MAF: variants seen among roughly 807,000 people sequenced by gnomAD.
MAF encodes MAF bZIP transcription factor, also known as transcription factor Maf.
In MAF, 10 loss-of-function variants were observed where a neutral mutation model predicts 22.0. The ratio of observed to expected loss-of-function variants is 0.45; its 90% CI spans 0.28 to 0.77. MAF has a LOEUF of 0.77. Ranked by LOEUF, MAF falls within the 30% of genes least tolerant of loss-of-function variation. The probability of loss-of-function intolerance (pLI) is 0.12; values close to 1 mark genes in which losing one functional copy is unlikely to be tolerated. For missense variants in MAF, 544 were observed against 548.4 expected (o/e 0.99, Z 0.08); for synonymous variants, 337 against 255.8 (o/e 1.32, Z -3.03).
At chr16:79,552,692 T>A in the MAF span, among the ~76,000 whole-genome samples, 4 of 152,224 alleles carry the variant, frequency 2.6e-5, no homozygotes, top group Admixed American at 2.6e-4. Flanking sequence ...TCACTAACCA[T>A]AGCCGGCCTT....
At chr16:79,295,961 C>A in the MAF span, among the ~76,000 whole-genome samples, 2 of 152,206 alleles carry the variant, frequency 1.3e-5, no homozygotes. Flanking sequence ...GTCAGTACCT[C>A]ACCTCCTGCG....
At chr16:79,478,068 C>A in the MAF span, among the ~76,000 whole-genome samples, 1 of 152,132 alleles carries the variant, frequency 6.6e-6, no homozygotes, top group Admixed American at 6.5e-5. Flanking sequence ...GTATGATTAA[C>A]TCTTTTATAA....
chr16:79,225,779 T>C, the MAF span, among the ~76,000 whole-genome samples: 2 of 152,114 alleles, frequency 1.3e-5, no homozygotes, highest in African/African-American at 4.8e-5. Context: ...TATGAAAAAA[T>C]GCTCATCATC....
chr16:79,592,038 G>A (rs1367969616), downstream of MAF, among the ~76,000 whole-genome samples: 8 of 152,180 alleles, frequency 5.3e-5, no homozygotes, highest in Admixed American at 5.2e-4. Context: ...CGTTAGCCAC[G>A]GAGCAAGTGA....
downstream of MAF, chr16:79,593,777 AT>A (rs11307570): frequency 0.57 from 99,170 of 172,860 alleles, 28,367 homozygotes; most frequent in Non-Finnish European, 0.59. Flanking sequence ...AAAGGAGGTG[AT>A]TTTTTTTTTT....
At chr16:79,305,318 C>T in the MAF span, among the ~76,000 whole-genome samples, 1 of 152,228 alleles carries the variant, frequency 6.6e-6, no homozygotes, top group African/African-American at 2.4e-5. Context: ...CCCGCCTGTG[C>T]TCTGCACAGG....
chr16:79,205,595 T>C, the MAF span: 1 of 152,220 alleles, frequency 6.6e-6, no homozygotes, highest in Non-Finnish European at 1.5e-5. Context: ...TCATTGTTTC[T>C]TTTTGGGAAA....
the MAF span, among the ~76,000 whole-genome samples, chr16:79,402,480 G>A: frequency 3.9e-5 from 6 of 152,288 alleles, no homozygotes; most frequent in East Asian, 7.7e-4. Flanking sequence ...AGGCCCAGGT[G>A]GCCACAGGGC....
chr16:79,339,195 G>A, the MAF span, among the ~76,000 whole-genome samples: 5 of 151,836 alleles, frequency 3.3e-5, no homozygotes, highest in African/African-American at 9.7e-5. Context: ...TCAGCCTCTC[G>A]AGTAGCTGGT....
At chr16:79,422,816 C>T in the MAF span, among the ~76,000 whole-genome samples, 2 of 152,188 alleles carry the variant, frequency 1.3e-5, no homozygotes, top group South Asian at 4.2e-4. Flanking sequence ...AATGCAATTA[C>T]TTTTGCACTA....
the MAF span, among the ~76,000 whole-genome samples, chr16:79,289,231 T>C: frequency 3.9e-5 from 6 of 152,124 alleles, no homozygotes; most frequent in Admixed American, 6.5e-5. Flanking sequence ...AAAAGTGCTC[T>C]GGCAGCAGAG....
the MAF span, among the ~76,000 whole-genome samples, chr16:79,313,446 C>T: frequency 1.1e-4 from 16 of 152,272 alleles, no homozygotes; most frequent in Middle Eastern, 0.014. Context: ...GTTCCCCAGG[C>T]ATCACCTCCC....
chr16:79,432,825 C>T, the MAF span, among the ~76,000 whole-genome samples: 1 of 152,142 alleles, frequency 6.6e-6, no homozygotes, highest in Non-Finnish European at 1.5e-5. Flanking sequence ...TCAAAGATGG[C>T]AGCCAACTAC....
the MAF span, among the ~76,000 whole-genome samples, chr16:79,373,756 C>T: frequency 6.6e-6 from 1 of 152,042 alleles, no homozygotes; most frequent in African/African-American, 2.4e-5. Context: ...CTGAGCTGCC[C>T]CAGACTCTGC....
the MAF span, among the ~76,000 whole-genome samples, chr16:79,458,142 G>GTGTGTGTGTGTGTGTGTA: frequency 3.3e-5 from 5 of 150,768 alleles, no homozygotes; most frequent in Non-Finnish European, 5.9e-5. Context: ...GTGTGTGTGT[G>GTGTGTGTGTGTGTGTGTA]TGTGTCTTTG....
At chr16:79,375,880 T>A in the MAF span, among the ~76,000 whole-genome samples, 2 of 152,196 alleles carry the variant, frequency 1.3e-5, no homozygotes, top group Admixed American at 6.5e-5. Flanking sequence ...AACAAAGGAC[T>A]TCATAAGCTA....
At chr16:79,271,292 C>T in the MAF span, among the ~76,000 whole-genome samples, 104 of 132,442 alleles carry the variant, frequency 7.9e-4, no homozygotes, top group African/African-American at 2.9e-3. Context: ...GGAGAGTACA[C>T]ACCTCACAAG....
downstream of MAF, among the ~76,000 whole-genome samples, chr16:79,583,388 T>C (rs1031285901): frequency 4.6e-5 from 7 of 152,166 alleles, no homozygotes. Flanking sequence ...GATGGGTACT[T>C]AAGGCCCAGG....
chr16:79,218,188 C>A, the MAF span, among the ~76,000 whole-genome samples: 36 of 152,056 alleles, frequency 2.4e-4, no homozygotes, highest in African/African-American at 8.0e-4. Flanking sequence ...TATGTTATTG[C>A]CTTTCAAGGA....
Sources: allele counts gnomAD v4.1 joint callset (sites outside exome capture counted in the v4.1 genomes callset), GRCh38; gene constraint gnomAD v4.1.1; transcripts MANE v1.5; gene names NCBI Gene and HGNC (gene_info 2026-07-23, HGNC 2026-07-21).